ZNF600: variants seen among roughly 807,000 people sequenced by gnomAD.
ZNF600 encodes the protein zinc finger protein KR-ZNF1.
A neutral mutation model predicts 7.3 loss-of-function variants in ZNF600; 4 were observed. The ratio of observed to expected loss-of-function variants is 0.55; its 90% confidence interval spans 0.27 to 1.25. ZNF600 has a LOEUF of 1.25. Among genes scored for constraint, ZNF600 ranks in the 50% most tolerant of loss-of-function variants. The pLI, the probability that ZNF600 is intolerant of heterozygous loss-of-function variation, is 0.12. For missense variants in ZNF600, 911 were observed against 922.1 expected (o/e 0.99, Z 0.16); for synonymous variants, 290 against 308.9 (o/e 0.94, Z 0.64).
intron 2 of ZNF600, among the ~76,000 whole-genome samples, chr19:52,776,371 A>G (rs549498055): frequency 9.9e-5 from 15 of 152,072 alleles, no homozygotes; most frequent in African/African-American, 3.4e-4. Flanking sequence ...AGGTCGCTGA[A>G]TGGACACACA....
the ZNF600 span, among the ~76,000 whole-genome samples, chr19:52,795,108 A>G: frequency 6.6e-6 from 1 of 152,214 alleles, no homozygotes; most frequent in African/African-American, 2.4e-5. Flanking sequence ...CTGCTGGAAC[A>G]AGGTTCCAGG....
At chr19:52,812,860 C>A in the ZNF600 span, among the ~76,000 whole-genome samples, 28 of 149,086 alleles carry the variant, frequency 1.9e-4, no homozygotes, top group Non-Finnish European at 3.9e-4. Context: ...GGAAATGCAT[C>A]ACCCTGATTA....
intron 3 of ZNF600, among the ~76,000 whole-genome samples, chr19:52,772,452 A>C (rs889537049): frequency 2.6e-5 from 4 of 152,006 alleles, no homozygotes; most frequent in Non-Finnish European, 5.9e-5. Flanking sequence ...AAAATACAAA[A>C]ATTAGCCAGG....
the ZNF600 span, among the ~76,000 whole-genome samples, chr19:52,811,194 C>T: frequency 6.6e-6 from 1 of 151,106 alleles, no homozygotes; most frequent in East Asian, 2.0e-4. Context: ...TCACTCAGTG[C>T]TCAATGGTGC....
chr19:52,821,695 G>T, the ZNF600 span: 3 of 152,154 alleles, frequency 2.0e-5, no homozygotes, highest in Non-Finnish European at 4.4e-5. Context: ...GGAGGCGAGC[G>T]GGGCCCGGGT....
chr19:52,775,570 C>A (rs2062668005), intron 2 of ZNF600, among the ~76,000 whole-genome samples: 1 of 152,022 alleles, frequency 6.6e-6, no homozygotes, highest in Non-Finnish European at 1.5e-5. Flanking sequence ...AACAAACAAA[C>A]AAACACAGGG....
At chr19:52,826,057 C>T in the ZNF600 span, among the ~76,000 whole-genome samples, 2 of 152,182 alleles carry the variant, frequency 1.3e-5, no homozygotes, top group Non-Finnish European at 2.9e-5. Context: ...TGCCACAGTA[C>T]TCTCAGCAGT....
In ZNF600 at chr19:52,767,047, G is replaced by A. The variant is rs371154893; in HGVS notation, c.916C>T (p.Arg306Cys). The change falls in exon 4 of 4, where the codon CGT becomes TGT. Residue 306 changes from arginine to cysteine, a missense_variant. Coordinates refer to ENST00000648973, the Ensembl canonical transcript of ZNF600. ...GATTTTACTGCAGTGTGAAGTCTAC[G>A]ATGGCATGTAAGGGATGATACCTGA... 72 of 1,613,854 alleles carry A rather than the reference G, an allele frequency of 4.5e-5. No homozygotes were observed. The highest frequency in any genetic ancestry group is 1.0e-4 in the Admixed American group (6 of 59,976).
At chr19:52,822,807 A>T in the ZNF600 span, among the ~76,000 whole-genome samples, 6 of 152,286 alleles carry the variant, frequency 3.9e-5, no homozygotes, top group Middle Eastern at 3.4e-3. Flanking sequence ...TGCCGTCTCT[A>T]GTGAGGCTGC....
exon 4 of ZNF600, chr19:52,766,094 G>A (rs1020894495): frequency 8.7e-6 from 14 of 1,614,078 alleles, no homozygotes; most frequent in Non-Finnish European, 1.2e-5. Context: ...CATTACACTT[G>A]TAAGGTTTCT....
chr19:52,787,230 G>A (rs536958917), upstream of ZNF600, among the ~76,000 whole-genome samples: 20 of 152,088 alleles, frequency 1.3e-4, no homozygotes, highest in African/African-American at 4.1e-4. Flanking sequence ...GTCACCACCT[G>A]CTGCCTAAAC....
At chr19:52,803,887 G>A in the ZNF600 span, among the ~76,000 whole-genome samples, 1 of 152,106 alleles carries the variant, frequency 6.6e-6, no homozygotes, top group Non-Finnish European at 1.5e-5. Flanking sequence ...TACCCAGAAG[G>A]TGAAGGTTGC....
At chr19:52,766,024 C>T in exon 4 of ZNF600, 1 of 1,614,144 alleles carries the variant, frequency 6.2e-7, no homozygotes, top group Non-Finnish European at 8.5e-7. Flanking sequence ...GATTTCTCTC[C>T]AGTATGAAGT....
At chr19:52,766,524 C>A (rs768611660) in exon 4 of ZNF600, 9 of 1,612,702 alleles carry the variant, frequency 5.6e-6, no homozygotes, top group Non-Finnish European at 7.6e-6. Context: ...GTAAGGTTTT[C>A]CTCCACTATG....
Position 52,765,285 on chromosome 19 carries a change from T to C in ZNF600, c.*302A>G, listed in dbSNP as rs148021753. 1,951 of 624,650 alleles carry C rather than the reference T, an allele frequency of 3.1e-3. 38 individuals carry two copies. In the African/African-American group the frequency reaches 0.031, roughly 10 times the overall value. 38.7% of individuals were successfully genotyped at this position (624,650 alleles called of 1,614,324 possible). On this transcript the variant is annotated 3_prime_UTR_variant, in exon 4 of 4. Transcript: ENST00000648973. ...TTTCTGTCCAGTAGGGATTCTCTGATGTCTAATGAGGTGTGAACATGAAGT... is the reference window on the plus strand; with the variant it reads ...TTTCTGTCCAGTAGGGATTCTCTGACGTCTAATGAGGTGTGAACATGAAGT...
the ZNF600 span, among the ~76,000 whole-genome samples, chr19:52,807,125 T>G: frequency 8.5e-5 from 13 of 152,256 alleles, no homozygotes; most frequent in East Asian, 1.9e-4. Context: ...CCCATCTGGA[T>G]TTTTTTGTTA....
At chr19:52,801,715 A>G in the ZNF600 span, 2 of 1,606,622 alleles carry the variant, frequency 1.2e-6, no homozygotes, top group Non-Finnish European at 8.5e-7. Context: ...ACAAAATATA[A>G]ACACCAATAG....
At chr19:52,776,347 C>T (rs75851522) in intron 2 of ZNF600, among the ~76,000 whole-genome samples, 17,729 of 151,650 alleles carry the variant, frequency 0.12, 1,186 homozygotes, top group South Asian at 0.2. Flanking sequence ...GGTAAGAACA[C>T]GGAGCATCCT....
the ZNF600 span, among the ~76,000 whole-genome samples, chr19:52,820,538 C>T: frequency 3.9e-5 from 6 of 152,032 alleles, no homozygotes; most frequent in Non-Finnish European, 8.8e-5. Flanking sequence ...TGTTATAACC[C>T]CCTGGACCCA....
Sources: gnomAD v4.1 joint callset for allele counts (sites outside exome capture counted in the v4.1 genomes callset) on GRCh38, gnomAD v4.1.1 for gene constraint, MANE v1.5 for transcripts, NCBI Gene and HGNC (gene_info 2026-07-23, HGNC 2026-07-21) for gene names.